Variants in RPS6KA5 observed in about 807,000 individuals in gnomAD.
RPS6KA5 encodes ribosomal protein S6 kinase A5, also known as ribosomal protein S6 kinase alpha-5.
Under a neutral mutation model 85.5 loss-of-function variants are expected in RPS6KA5, and 27 were observed. The ratio of observed to expected loss-of-function variants is 0.32; its 90% CI spans 0.23 to 0.44. RPS6KA5 has a LOEUF of 0.44. RPS6KA5 is among the 20% of genes least tolerant of loss of function. The probability of loss-of-function intolerance (pLI) is 1.00; values close to 1 mark genes in which losing one functional copy is unlikely to be tolerated. For synonymous variants in RPS6KA5, 334 were observed against 348.2 expected, an observed-to-expected ratio of 0.96 and a Z score of 0.46; for missense variants, 811 against 980.9, an observed-to-expected ratio of 0.83 and a Z score of 2.31.
chr14:90,894,709 C>T, intron 12 of RPS6KA5, 126 bp from the exon 13 acceptor site: 1 of 1,090,868 alleles, frequency 9.2e-7, no homozygotes, highest in African/African-American at 1.6e-5. Flanking sequence ...TAATCAATGG[C>T]AATCCTCATA....
rs374579104 is a variant in RPS6KA5 at position 90,871,176 on chromosome 14, C to T, written c.*898G>A. Reference sequence around the variant, plus strand: ...GGCTGACTACATGACACAACATGCCCCATTCTACTTGTTGCATACAAAGTA... The same window carrying T: ...GGCTGACTACATGACACAACATGCCTCATTCTACTTGTTGCATACAAAGTA... On this transcript the variant is annotated 3_prime_UTR_variant, in exon 17 of 17. Transcript: ENST00000614987. 2 of 152,332 alleles carry T rather than the reference C, an allele frequency of 1.3e-5. No homozygotes were observed. Among genetic ancestry groups the T allele is most frequent in the African/African-American group, 2.4e-5 (1 of 41,360 alleles). 9.4% of individuals were successfully genotyped at this position (152,332 alleles called of 1,614,324 possible).
At chr14:90,954,298 T>G (rs2038388330) in intron 3 of RPS6KA5, among the ~76,000 whole-genome samples, 1 of 152,216 alleles carries the variant, frequency 6.6e-6, no homozygotes, top group Admixed American at 6.5e-5. Context: ...TTCTCCTCTA[T>G]GTTTTGGAAG....
rs535203054 is a variant in RPS6KA5, at chr14:90,900,089, A to G, written c.1379+19T>C. 4 of 1,560,704 alleles carry G rather than the reference A, an allele frequency of 2.6e-6. No individual in the cohort carries two copies. Among genetic ancestry groups the G allele is most frequent in the East Asian group, 4.6e-5 (2 of 43,898 alleles). On this transcript the variant is annotated intron_variant, in intron 11 of 16. Coordinates refer to ENST00000614987, the MANE Select transcript of RPS6KA5 (RefSeq NM_004755.4). ...TCATGAATACCTAAGAAAGAATATT[A>G]TATTAAAAATGGTCATACCTTTTGC...
chr14:90,968,717 A>G (rs2039187844), intron 3 of RPS6KA5, among the ~76,000 whole-genome samples: 1 of 152,216 alleles, frequency 6.6e-6, no homozygotes, highest in Non-Finnish European at 1.5e-5. Flanking sequence ...AACTGCCTCT[A>G]TGGATCAGCC....
In RPS6KA5 at chr14:90,852,747, T is replaced by TA. The variant is rs2032067016; in HGVS notation, c.*19326_*19327insT. The TA allele has an allele frequency of 7.2e-6, 1 of 139,028 alleles. No homozygotes were observed. Among genetic ancestry groups the TA allele is most frequent in the Non-Finnish European group, 1.5e-5 (1 of 66,272 alleles). 8.6% of individuals were successfully genotyped at this position (139,028 alleles called of 1,614,324 possible). On this transcript the variant is annotated 3_prime_UTR_variant, in exon 17 of 17. Coordinates refer to ENST00000614987, the MANE Select transcript of RPS6KA5 (RefSeq NM_004755.4). ...GAAACTTTTTTTTTTTTTTTTTTTTTGAGACAGAGTCTTGCTCTGTCGCCC... is the reference window on the plus strand; with the variant it reads ...GAAACTTTTTTTTTTTTTTTTTTTTTAGAGACAGAGTCTTGCTCTGTCGCCC...
Position 90,856,663 on chromosome 14 carries a change from TG to T in RPS6KA5, c.*15410del, listed in dbSNP as rs2094242681. ...CAGGCGTGAGCCACTGTGCACGGCC[TG>T]TGTGTGATTTTTTAAAATATAAGAT... is the stretch of plus-strand genomic sequence containing the variant. On this transcript the variant is annotated 3_prime_UTR_variant, in exon 17 of 17. Transcript: ENST00000614987. 1 of 152,252 alleles carries T rather than the reference TG, an allele frequency of 6.6e-6. No homozygotes were observed. The highest frequency in any genetic ancestry group is 6.5e-5 in the Admixed American group (1 of 15,274). 9.4% of individuals were successfully genotyped at this position (152,252 alleles called of 1,614,324 possible).
At chr14:91,029,427 T>TA (rs375579637) in intron 1 of RPS6KA5, among the ~76,000 whole-genome samples, 1 of 152,138 alleles carries the variant, frequency 6.6e-6, no homozygotes, top group Admixed American at 6.5e-5. Context: ...ATATCTTAAT[T>TA]AAAAAAATAA....
At chr14:91,049,848 G>C (rs1373304190) in intron 1 of RPS6KA5, among the ~76,000 whole-genome samples, 3 of 152,186 alleles carry the variant, frequency 2.0e-5, no homozygotes, top group Non-Finnish European at 4.4e-5. Flanking sequence ...CTATAAGCCT[G>C]TACAGCATGC....
intron 5 of RPS6KA5, among the ~76,000 whole-genome samples, chr14:90,930,154 G>A (rs1287373588): frequency 6.6e-6 from 1 of 152,186 alleles, no homozygotes; most frequent in Non-Finnish European, 1.5e-5. Flanking sequence ...TTACAGGCGT[G>A]AGCCACCACG....
chr14:90,903,397 T>C (rs918869241), intron 8 of RPS6KA5, among the ~76,000 whole-genome samples: 1 of 152,248 alleles, frequency 6.6e-6, no homozygotes, highest in Admixed American at 6.5e-5. Context: ...TCCTATTTTC[T>C]AGAGGCAGTG....
At chr14:90,935,946 T>C (rs2037231790) in intron 5 of RPS6KA5, among the ~76,000 whole-genome samples, 1 of 152,118 alleles carries the variant, frequency 6.6e-6, no homozygotes, top group Non-Finnish European at 1.5e-5. Context: ...CTATCATCAC[T>C]TTACCAACAC....
chr14:90,986,985 G>GACCT (rs2040081374), intron 2 of RPS6KA5, among the ~76,000 whole-genome samples: 1 of 152,100 alleles, frequency 6.6e-6, no homozygotes, highest in Non-Finnish European at 1.5e-5. Flanking sequence ...TAGCTAACAT[G>GACCT]ACCTAACATA....
At chr14:91,043,306 A>T (rs2042671679) in intron 1 of RPS6KA5, among the ~76,000 whole-genome samples, 1 of 152,132 alleles carries the variant, frequency 6.6e-6, no homozygotes, top group African/African-American at 2.4e-5. Flanking sequence ...TCCTAAGATG[A>T]TCTAACCTAC....
In RPS6KA5 at chr14:90,894,675, C is replaced by T. The variant is rs951922025; in HGVS notation, c.1474-92G>A. On this transcript the variant is annotated intron_variant, in intron 12 of 16. Coordinates refer to ENST00000614987, the MANE Select transcript of RPS6KA5 (RefSeq NM_004755.4). ...ATTTATTGACTATCTACCACCAATACGTTTAAATAATCCCCTGTTAAAATA... is the reference window on the plus strand; with the variant it reads ...ATTTATTGACTATCTACCACCAATATGTTTAAATAATCCCCTGTTAAAATA... The T allele has an allele frequency of 3.4e-5, 46 of 1,363,636 alleles. No homozygotes were observed. In the East Asian group the frequency reaches 6.2e-4, roughly 18 times the overall value. The allele number at this position is 1,363,636 out of a possible 1,614,324, so 84.5% of individuals were successfully genotyped here.
chr14:90,900,077 A>G, intron 11 of RPS6KA5, 31 bp downstream of exon 11: 5 of 1,519,294 alleles, frequency 3.3e-6, no homozygotes, highest in African/African-American at 2.8e-5. Flanking sequence ...TGAATACCTA[A>G]GAAAGAATAT....
intron 1 of RPS6KA5, among the ~76,000 whole-genome samples, chr14:91,049,738 T>C (rs1333032820): frequency 6.6e-6 from 1 of 152,236 alleles, no homozygotes; most frequent in Non-Finnish European, 1.5e-5. Context: ...CATTAGGTGA[T>C]TTCATGGTTG....
intron 5 of RPS6KA5, among the ~76,000 whole-genome samples, chr14:90,937,448 TTTTTAAAA>T (rs1595267419): frequency 6.6e-6 from 1 of 152,118 alleles, no homozygotes; most frequent in East Asian, 1.9e-4. Context: ...CATCTCCCCA[TTTTTAAAA>T]TTTTAAGATG....
At chr14:90,985,865 T>G (rs11849015) in intron 2 of RPS6KA5, among the ~76,000 whole-genome samples, 2 of 152,150 alleles carry the variant, frequency 1.3e-5, no homozygotes, top group African/African-American at 4.8e-5. Context: ...TTATGTAAAT[T>G]CATTAAATAT....
At chr14:90,889,926 GA>G (rs2034459413) in intron 14 of RPS6KA5, among the ~76,000 whole-genome samples, 1 of 152,004 alleles carries the variant, frequency 6.6e-6, no homozygotes, top group Non-Finnish European at 1.5e-5. Flanking sequence ...ATTATATGCA[GA>G]AAAAGTAATG....
Sources: allele counts gnomAD v4.1 joint callset (sites outside exome capture counted in the v4.1 genomes callset), GRCh38; gene constraint gnomAD v4.1.1; transcripts MANE v1.5; gene names NCBI Gene and HGNC (gene_info 2026-07-23, HGNC 2026-07-21).